Variants in ZNF618 observed in about 807,000 individuals in gnomAD.
The protein encoded by ZNF618 is zinc finger protein 618.
A neutral mutation model predicts 103.0 loss-of-function variants in ZNF618; 34 were observed. The observed-to-expected ratio is 0.33, with a 90% CI of 0.25 to 0.44. ZNF618 has a LOEUF of 0.44. ZNF618 is among the 20% of genes least tolerant of loss of function. The pLI, the probability that ZNF618 is intolerant of heterozygous loss-of-function variation, is 1.00. For missense variants in ZNF618, 1,059 were observed against 1,295.4 expected (o/e 0.82, Z 2.80); for synonymous variants, 551 against 542.2 (o/e 1.02, Z -0.23).
chr9:114,004,771 C>T (rs1474545540), intron 6 of ZNF618, among the ~76,000 whole-genome samples: 6 of 152,224 alleles, frequency 3.9e-5, no homozygotes, highest in South Asian at 4.1e-4. Context: ...ACTGAGAAGA[C>T]TGAGTCCAGC....
At chr9:113,888,927 G>A (rs1451889281) in intron 1 of ZNF618, among the ~76,000 whole-genome samples, 1 of 152,200 alleles carries the variant, frequency 6.6e-6, no homozygotes, top group East Asian at 1.9e-4. Context: ...ACAGACAAGA[G>A]AGATTTACAA....
intron 1 of ZNF618, among the ~76,000 whole-genome samples, chr9:113,966,513 TGGAA>T (rs1190903452): frequency 6.6e-6 from 1 of 152,194 alleles, no homozygotes; most frequent in Non-Finnish European, 1.5e-5. Context: ...TTAATCCACT[TGGAA>T]GGAATGGCTG....
intron 3 of ZNF618, among the ~76,000 whole-genome samples, chr9:113,995,205 A>AC: frequency 6.6e-6 from 1 of 152,158 alleles, no homozygotes; most frequent in East Asian, 1.9e-4. Context: ...CACACTCATC[A>AC]CCATAACAAG....
intron 1 of ZNF618, among the ~76,000 whole-genome samples, chr9:113,935,896 G>A (rs1442421583): frequency 6.6e-6 from 1 of 152,164 alleles, no homozygotes; most frequent in Non-Finnish European, 1.5e-5. Context: ...AGCATCTTTA[G>A]TGTGATAATG....
chr9:113,907,433 G>A (rs1222576703), intron 1 of ZNF618, among the ~76,000 whole-genome samples: 1 of 152,234 alleles, frequency 6.6e-6, no homozygotes, highest in Non-Finnish European at 1.5e-5. Flanking sequence ...TGGCTTGACA[G>A]TGGCATTCTG....
At chr9:114,009,080 C>T (rs1444689154) in intron 9 of ZNF618, among the ~76,000 whole-genome samples, 1 of 152,216 alleles carries the variant, frequency 6.6e-6, no homozygotes, top group Non-Finnish European at 1.5e-5. Context: ...GAGCCACACA[C>T]GTCTGGCCTG....
At chr9:113,941,148 C>T (rs1456553338) in intron 1 of ZNF618, among the ~76,000 whole-genome samples, 2 of 152,042 alleles carry the variant, frequency 1.3e-5, no homozygotes, top group Non-Finnish European at 2.9e-5. Flanking sequence ...AAGTTTTTAA[C>T]AAACTTATTT....
At position 114,028,872 on chromosome 9, in the gene ZNF618, G is replaced by A. The variant is rs538009133; in HGVS notation, c.984G>A (p.Val328=). Residue 328 remains valine (V), a synonymous_variant, in exon 11 of 15, where the codon GTG becomes GTA. Coordinates refer to ENST00000374126, the MANE Select transcript of ZNF618 (RefSeq NM_001318042.2). ...NQSGKKAPAS[V]VRCATLLHRT... ...CGGGGAAAAAAGCTCCGGCCTCCGT[G>A]GTCCGATGTGCCACCCTCTTACACC... The A allele has an allele frequency of 5.8e-4, 892 of 1,550,530 alleles. 1 individual carries two copies. The highest frequency in any genetic ancestry group is 7.4e-4 in the Non-Finnish European group (849 of 1,146,940).
At chr9:113,981,381 C>T (rs1838962578) in intron 2 of ZNF618, among the ~76,000 whole-genome samples, 1 of 152,182 alleles carries the variant, frequency 6.6e-6, no homozygotes, top group Non-Finnish European at 1.5e-5. Context: ...GGGTAAAGTT[C>T]TGGCCTGTGT....
chr9:113,984,142 A>T (rs1470658904), intron 2 of ZNF618, among the ~76,000 whole-genome samples: 1 of 152,210 alleles, frequency 6.6e-6, no homozygotes, highest in Non-Finnish European at 1.5e-5. Context: ...AAGGAAATAA[A>T]ACAAGGCAAT....
In ZNF618 at chr9:113,998,247, T is replaced by G; in HGVS notation, c.338-12T>G. On this transcript the variant is annotated splice_polypyrimidine_tract_variant and intron_variant, in intron 3 of 14. Coordinates refer to ENST00000374126, the MANE Select transcript of ZNF618 (RefSeq NM_001318042.2). Reference sequence around the variant, plus strand: ...ACTTTAAGGGCTCTTTCTGATTTCTTACGTAATTCAGATGGAAAAGCGCCC... The same window carrying G: ...ACTTTAAGGGCTCTTTCTGATTTCTGACGTAATTCAGATGGAAAAGCGCCC... 6.5e-7 allele frequency: 1 copy of G among 1,549,976 alleles called. No homozygotes were observed. Among genetic ancestry groups the G allele is most frequent in the Non-Finnish European group, 8.7e-7 (1 of 1,146,460 alleles).
At chr9:114,045,610 A>G (rs1162589492) in intron 13 of ZNF618, among the ~76,000 whole-genome samples, 1 of 152,000 alleles carries the variant, frequency 6.6e-6, no homozygotes, top group Non-Finnish European at 1.5e-5. Flanking sequence ...ACACTGTCTT[A>G]ATTACTATAG....
In ZNF618 at chr9:114,049,825, C is replaced by T. The variant is rs371314311; in HGVS notation, c.2523C>T (p.Ala841=). The T allele has an allele frequency of 2.4e-4, 389 of 1,613,812 alleles. No individual in the cohort carries two copies. Among genetic ancestry groups the T allele is most frequent in the African/African-American group, 4.1e-4 (31 of 74,928 alleles). ...TCAACGAGGTGAAGGAGTCCTGGGC[C>T]GAGGAGGCCGACTTCGAGCCCGCTG... ...ELINEVKESW[A]EEADFEPAAK... Residue 841 remains alanine, a synonymous_variant, in exon 15 of 15, where the codon GCC becomes GCT. Transcript: ENST00000374126.
intron 2 of ZNF618, among the ~76,000 whole-genome samples, chr9:113,972,271 A>T (rs530992841): frequency 6.6e-6 from 1 of 151,568 alleles, no homozygotes; most frequent in East Asian, 1.9e-4. Context: ...CTGGTCTCAA[A>T]CTCCTGAGTT....
chr9:113,899,750 C>T (rs1227072709), intron 1 of ZNF618, among the ~76,000 whole-genome samples: 1 of 152,292 alleles, frequency 6.6e-6, no homozygotes, highest in African/African-American at 2.4e-5. Flanking sequence ...GTGGCTGGCT[C>T]GTTTCACTCA....
At chr9:114,018,408 T>G (rs1842813091) in intron 10 of ZNF618, among the ~76,000 whole-genome samples, 1 of 152,260 alleles carries the variant, frequency 6.6e-6, no homozygotes, top group Admixed American at 6.5e-5. Flanking sequence ...TGCTCCCTGG[T>G]GCCCAGGCTG....
chr9:114,046,695 A>G (rs1473746889), intron 13 of ZNF618, among the ~76,000 whole-genome samples: 3 of 152,164 alleles, frequency 2.0e-5, no homozygotes, highest in Non-Finnish European at 4.4e-5. Context: ...GCTCTTTATT[A>G]GGTTGGAAAA....
intron 14 of ZNF618, 22 bp from the exon 15 acceptor site, chr9:114,048,629 C>A: frequency 6.3e-7 from 1 of 1,591,566 alleles, no homozygotes; most frequent in Non-Finnish European, 8.6e-7. Flanking sequence ...TTAATCCCAT[C>A]TGTCTTTGTG....
In ZNF618 at chr9:114,050,448, AC is replaced by A; in HGVS notation, c.*282del. On this transcript the variant is annotated 3_prime_UTR_variant, in exon 15 of 15. Transcript: ENST00000374126. Reference sequence around the variant, plus strand: ...AGAGAAACTTTGCACACACGCACACACACACACACACACACACACACACACA... The same window carrying A: ...AGAGAAACTTTGCACACACGCACACAACACACACACACACACACACACACA... 3.8e-6 allele frequency: 1 copy of A among 266,388 alleles called. No homozygotes were observed. The highest frequency in any genetic ancestry group is 6.8e-6 in the Non-Finnish European group (1 of 147,558). 16.5% of individuals were successfully genotyped at this position (266,388 alleles called of 1,614,324 possible).
Sources: allele counts gnomAD v4.1 joint callset (sites outside exome capture counted in the v4.1 genomes callset), GRCh38; gene constraint gnomAD v4.1.1; transcripts MANE v1.5; gene names NCBI Gene and HGNC (gene_info 2026-07-23, HGNC 2026-07-21).